AFG3L2: variants seen among roughly 807,000 people sequenced by gnomAD.
The protein encoded by AFG3L2 is AFG3 like matrix AAA peptidase subunit 2.
Under a neutral mutation model 94.5 loss-of-function variants are expected in AFG3L2, and 54 were observed. The observed-to-expected ratio is 0.57, with a 90% CI of 0.46 to 0.72. AFG3L2 has a LOEUF of 0.72. Ranked by LOEUF, AFG3L2 falls within the 30% of genes least tolerant of loss-of-function variation. AFG3L2 has a pLI of 0.00. For missense variants in AFG3L2, 754 were observed against 994.9 expected, an observed-to-expected ratio of 0.76 and a Z score of 3.26; for synonymous variants, 377 against 365.5, an observed-to-expected ratio of 1.03 and a Z score of -0.36.
Position 12,337,323 on chromosome 18 carries a change from C to T in AFG3L2, c.2175+18G>A, listed in dbSNP as rs117096851. ...TTTTGCAAAACTGTAAAGAATTATTCCCACAACTGGCACCTACCTTCTCCA... is the reference window on the plus strand; with the variant it reads ...TTTTGCAAAACTGTAAAGAATTATTTCCACAACTGGCACCTACCTTCTCCA... On this transcript the variant is annotated intron_variant, in intron 16 of 16. Transcript: ENST00000269143. The T allele has an allele frequency of 0.016, 25,094 of 1,611,486 alleles. 278 individuals are homozygous for T. Among genetic ancestry groups the T allele is most frequent in the Non-Finnish European group, 0.019 (22,352 of 1,177,894 alleles).
intron 13 of AFG3L2, among the ~76,000 whole-genome samples, chr18:12,346,624 T>C (rs563262280): frequency 3.3e-5 from 5 of 152,192 alleles, no homozygotes; most frequent in Admixed American, 2.6e-4. Flanking sequence ...TCGATCATTA[T>C]GTTACTCAGT....
chr18:12,349,030 C>T (rs76736026), intron 12 of AFG3L2, among the ~76,000 whole-genome samples: 2,757 of 152,292 alleles, frequency 0.018, 64 homozygotes, highest in African/African-American at 0.062. Flanking sequence ...TCTGACCACA[C>T]TATTGTATAT....
chr18:12,360,667 C>T (rs1485671421), intron 6 of AFG3L2, among the ~76,000 whole-genome samples: 1 of 152,202 alleles, frequency 6.6e-6, no homozygotes, highest in East Asian at 1.9e-4. Flanking sequence ...GGGCCCAGCA[C>T]AGGGACACCT....
chr18:12,374,929 G>A (rs964236636), intron 1 of AFG3L2, among the ~76,000 whole-genome samples: 1 of 151,738 alleles, frequency 6.6e-6, no homozygotes, highest in Non-Finnish European at 1.5e-5. Context: ...AGTGGCGGGC[G>A]CCTGTAATCC....
chr18:12,367,265 T>C lies in AFG3L2; in HGVS notation c.399+11A>G, dbSNP rs1294302423. Reference sequence around the variant, plus strand: ...ATAACCTCAAAATTCACACAATGTATAGCATCAAACCTTCTGAAACCTGGA... The same window carrying C: ...ATAACCTCAAAATTCACACAATGTACAGCATCAAACCTTCTGAAACCTGGA... On this transcript the variant is annotated intron_variant, in intron 4 of 16. Coordinates refer to ENST00000269143, the MANE Select transcript of AFG3L2 (RefSeq NM_006796.3). The C allele has an allele frequency of 3.1e-6, 5 of 1,614,036 alleles. No homozygotes were observed. Among genetic ancestry groups the C allele is most frequent in the Admixed American group, 1.7e-5 (1 of 60,000 alleles).
At chr18:12,352,239 C>G (rs997653583) in intron 10 of AFG3L2, among the ~76,000 whole-genome samples, 6 of 152,196 alleles carry the variant, frequency 3.9e-5, no homozygotes, top group Non-Finnish European at 8.8e-5. Context: ...GAATTTCCCT[C>G]AGATGTGGTG....
At chr18:12,370,499 GTC>G (rs1472198962) in intron 3 of AFG3L2, among the ~76,000 whole-genome samples, 3 of 140,222 alleles carry the variant, frequency 2.1e-5, no homozygotes, top group Non-Finnish European at 3.0e-5. Context: ...TTGAGACAGG[GTC>G]TCTCTGTTGC....
intron 8 of AFG3L2, 134 bp from the exon 9 acceptor site, chr18:12,356,965 A>C (rs1908516191): frequency 2.3e-6 from 2 of 870,646 alleles, no homozygotes; most frequent in Non-Finnish European, 3.5e-6. Flanking sequence ...TAAACATCTG[A>C]GCTATGGTAG....
chr18:12,338,090 T>C (rs771856884), intron 15 of AFG3L2, among the ~76,000 whole-genome samples: 1 of 152,118 alleles, frequency 6.6e-6, no homozygotes. Flanking sequence ...GTTTTTGTTT[T>C]GAGACAGGGT....
intron 14 of AFG3L2, chr18:12,340,925 T>C (rs1056813518): frequency 1.9e-5 from 3 of 157,222 alleles, no homozygotes; most frequent in Admixed American, 6.0e-5. Flanking sequence ...TTTTCTTTTT[T>C]TTTTTTTTTT....
intron 9 of AFG3L2, 50 bp from the exon 10 acceptor site, chr18:12,353,208 C>T (rs1479782601): frequency 3.1e-6 from 5 of 1,606,690 alleles, no homozygotes; most frequent in Non-Finnish European, 4.3e-6. Flanking sequence ...ATTATGTATT[C>T]TCTGAATAAG....
At chr18:12,344,416 T>A (rs2143141374) in intron 13 of AFG3L2, 169 bp from the exon 14 acceptor site, 3 of 637,842 alleles carry the variant, frequency 4.7e-6, no homozygotes, top group Non-Finnish European at 8.6e-6. Flanking sequence ...GGCTCATGCC[T>A]GTAATCCCAG....
Position 12,337,274 on chromosome 18 carries a change from GTCTA to G in AFG3L2, c.2175+63_2175+66del, listed in dbSNP as rs559947130. 1.8e-4 allele frequency: 261 copies of G among 1,418,494 alleles called. No homozygotes were observed. The African/African-American group carries it at 2.7e-3, about 14-fold the overall frequency. 87.9% of individuals were successfully genotyped at this position (1,418,494 alleles called of 1,614,324 possible). A position where few individuals can be genotyped will look rare whatever the true frequency, so the allele number is the denominator to read the frequency against. On this transcript the variant is annotated intron_variant, in intron 16 of 16. Coordinates refer to ENST00000269143, the MANE Select transcript of AFG3L2 (RefSeq NM_006796.3). ...TGCAGTCTACACACCAACCAAAACAGTCTATCTATCACTTCAATCTTTTTTTTGC... is the reference window on the plus strand; with the variant it reads ...TGCAGTCTACACACCAACCAAAACAGTCTATCACTTCAATCTTTTTTTTGC...
intron 13 of AFG3L2, among the ~76,000 whole-genome samples, chr18:12,347,238 A>C (rs1296744938): frequency 6.6e-6 from 1 of 152,248 alleles, no homozygotes; most frequent in African/African-American, 2.4e-5. Context: ...AAGACTTTCC[A>C]AAACTGACCA....
intron 16 of AFG3L2, 150 bp from the exon 17 acceptor site, chr18:12,329,933 G>T: frequency 1.4e-6 from 1 of 700,396 alleles, no homozygotes; most frequent in Non-Finnish European, 2.4e-6. Flanking sequence ...TAGTTTTAGA[G>T]TAAGATGTGC....
At chr18:12,346,478 T>G (rs1908139694) in intron 13 of AFG3L2, among the ~76,000 whole-genome samples, 1 of 152,156 alleles carries the variant, frequency 6.6e-6, no homozygotes, top group Non-Finnish European at 1.5e-5. Context: ...TCCTCATTTT[T>G]TTTACGGCTG....
chr18:12,345,771 A>G (rs1009689636), intron 13 of AFG3L2, among the ~76,000 whole-genome samples: 20 of 152,174 alleles, frequency 1.3e-4, no homozygotes, highest in African/African-American at 4.8e-4. Context: ...ATAAATACAC[A>G]GTTTTCACCT....
intron 6 of AFG3L2, among the ~76,000 whole-genome samples, chr18:12,360,669 G>C (rs549064140): frequency 6.6e-6 from 1 of 152,192 alleles, no homozygotes; most frequent in Non-Finnish European, 1.5e-5. Flanking sequence ...GCCCAGCACA[G>C]GGACACCTCA....
intron 15 of AFG3L2, among the ~76,000 whole-genome samples, chr18:12,338,104 G>A (rs773042585): frequency 2.0e-5 from 3 of 152,228 alleles, no homozygotes; most frequent in South Asian, 2.1e-4. Context: ...ACAGGGTCTT[G>A]TTCTGTCGCC....
Sources: allele counts gnomAD v4.1 joint callset (sites outside exome capture counted in the v4.1 genomes callset), GRCh38; gene constraint gnomAD v4.1.1; transcripts MANE v1.5; gene names NCBI Gene and HGNC (gene_info 2026-07-23, HGNC 2026-07-21).